RHPN2: variants seen among roughly 807,000 people sequenced by gnomAD.
RHPN2 encodes rhophilin Rho GTPase binding protein 2, also known as rhophilin-2.
RHPN2 carries 40 observed loss-of-function variants against 79.0 expected under a neutral mutation model. That is an observed-to-expected ratio of 0.51 (90% confidence interval 0.39 to 0.66). The LOEUF (loss-of-function observed/expected upper bound fraction) is 0.66, where lower values mean the gene tolerates loss of function less well. RHPN2 is among the 30% of genes least tolerant of loss of function. The pLI is 0.00. For missense variants in RHPN2, 686 were observed against 883.5 expected (o/e 0.78, Z 2.83); for synonymous variants, 285 against 363.5 (o/e 0.78, Z 2.46).
At chr19:32,995,438 C>G (rs935186127) in intron 11 of RHPN2, among the ~76,000 whole-genome samples, 1 of 152,040 alleles carries the variant, frequency 6.6e-6, no homozygotes, top group African/African-American at 2.4e-5. Context: ...AAATCATGAC[C>G]ACTGACAGCT....
At position 33,026,474 on chromosome 19, in the gene RHPN2, G is replaced by A. The variant is rs548780349; in HGVS notation, c.314+30C>T. Reference sequence around the variant, plus strand: ...TGTACGAAGGATCTCTGGCTCAGAGGCTTTTGGAAGGTGTGCTGCTCCCAC... The same window carrying A: ...TGTACGAAGGATCTCTGGCTCAGAGACTTTTGGAAGGTGTGCTGCTCCCAC... On this transcript the variant is annotated intron_variant, in intron 3 of 14. Transcript: ENST00000254260. 1.9e-6 allele frequency: 3 copies of A among 1,604,590 alleles called. No individual in the cohort carries two copies. The East Asian group carries it at 6.7e-5, about 36-fold the overall frequency.
At chr19:33,042,993 C>T (rs1005247539) in intron 2 of RHPN2, among the ~76,000 whole-genome samples, 6 of 151,778 alleles carry the variant, frequency 4.0e-5, no homozygotes, top group Admixed American at 3.3e-4. Flanking sequence ...GCAGGAGAAT[C>T]ACTTGAACCT....
At position 33,025,856 on chromosome 19, in the gene RHPN2, C is replaced by T. The variant is rs978707092; in HGVS notation, c.314+648G>A. Among the ~76,000 whole-genome samples the T allele has an allele frequency of 1.2e-4, 18 of 152,156 alleles. 1 individual carries two copies. The highest frequency in any genetic ancestry group is 8.5e-4 in the Admixed American group (13 of 15,252). On this transcript the variant is annotated intron_variant, in intron 3 of 14. Coordinates refer to ENST00000254260, the MANE Select transcript of RHPN2 (RefSeq NM_033103.5). Reference sequence around the variant, plus strand: ...TAATAACATATCTTGCTAATGTTTGCGTGTCTATGAAATGTGACTACGCGG... The same window carrying T: ...TAATAACATATCTTGCTAATGTTTGTGTGTCTATGAAATGTGACTACGCGG...
chr19:32,995,210 C>A (rs902363836), intron 11 of RHPN2, among the ~76,000 whole-genome samples: 1 of 151,968 alleles, frequency 6.6e-6, no homozygotes, highest in African/African-American at 2.4e-5. Flanking sequence ...GTAGCTGGAA[C>A]TATAGGTATG....
intron 4 of RHPN2, among the ~76,000 whole-genome samples, chr19:33,013,076 A>G (rs746917532): frequency 1.3e-4 from 19 of 151,586 alleles, no homozygotes; most frequent in Non-Finnish European, 2.6e-4. Context: ...GAGTTTCACC[A>G]TGTTGGTCAG....
intron 11 of RHPN2, 83 bp from the exon 12 acceptor site, chr19:32,994,136 C>T: frequency 2.0e-6 from 2 of 1,022,950 alleles, no homozygotes; most frequent in Non-Finnish European, 3.1e-6. Context: ...TGGCTCACGC[C>T]TGTAATCCCA....
chr19:33,051,113 T>G (rs1295534177), intron 1 of RHPN2, among the ~76,000 whole-genome samples: 2 of 152,144 alleles, frequency 1.3e-5, no homozygotes, highest in East Asian at 1.9e-4. Flanking sequence ...TGTCTCAGCC[T>G]CCTGAGTAGC....
At chr19:32,988,053 G>T (rs1971624693) in intron 14 of RHPN2, among the ~76,000 whole-genome samples, 1 of 151,916 alleles carries the variant, frequency 6.6e-6, no homozygotes. Flanking sequence ...AAACAAATTA[G>T]CCAGGCATAG....
chr19:33,064,888 T>G lies in RHPN2; in HGVS notation c.-36A>C. On this transcript the variant is annotated 5_prime_UTR_variant, in exon 1 of 15. Transcript: ENST00000254260. ...CGGGCGCGGAGGGCGGACGGCGGAC[T>G]GAGGCGCGGCGGCTGAGGCTGGCCC... 3 of 1,483,384 alleles carry G rather than the reference T, an allele frequency of 2.0e-6. No homozygotes were observed. Among genetic ancestry groups the G allele is most frequent in the East Asian group, 2.8e-5 (1 of 35,696 alleles). 91.9% of individuals were successfully genotyped at this position (1,483,384 alleles called of 1,614,324 possible).
At chr19:32,988,212 C>CAAA (rs758073522) in intron 14 of RHPN2, among the ~76,000 whole-genome samples, 159 of 138,714 alleles carry the variant, frequency 1.1e-3, no homozygotes, top group Non-Finnish European at 9.3e-4. Context: ...ACAACAACAA[C>CAAA]AAAAAAAAAA....
chr19:33,056,280 T>C (rs1199511168), intron 1 of RHPN2, among the ~76,000 whole-genome samples: 1 of 151,642 alleles, frequency 6.6e-6, no homozygotes, highest in Non-Finnish European at 1.5e-5. Flanking sequence ...ACCCAGCTAA[T>C]TTTGTATTTT....
intron 3 of RHPN2, 35 bp from the exon 4 acceptor site, chr19:33,021,681 C>T (rs1231754131): frequency 1.3e-6 from 2 of 1,541,468 alleles, no homozygotes; most frequent in Non-Finnish European, 1.8e-6. Context: ...TATGAACACC[C>T]CCAACCGGAC....
intron 2 of RHPN2, among the ~76,000 whole-genome samples, chr19:33,041,850 G>A (rs1265124892): frequency 2.6e-5 from 4 of 152,086 alleles, no homozygotes; most frequent in African/African-American, 7.2e-5. Context: ...GCAGAGCCTC[G>A]CCTGATCTTC....
chr19:33,029,528 A>AC (rs1477400894), intron 2 of RHPN2, among the ~76,000 whole-genome samples: 2 of 78,378 alleles, frequency 2.6e-5, no homozygotes, highest in Non-Finnish European at 4.8e-5. Flanking sequence ...TCTATCTCAG[A>AC]AAAAAAAAAA....
chr19:32,981,854 C>G (rs1470713361), intron 14 of RHPN2, among the ~76,000 whole-genome samples: 1 of 151,544 alleles, frequency 6.6e-6, no homozygotes, highest in Non-Finnish European at 1.5e-5. Flanking sequence ...AAAACTTTTT[C>G]ATCTTCCTCA....
intron 4 of RHPN2, among the ~76,000 whole-genome samples, chr19:33,016,387 T>C: frequency 6.6e-6 from 1 of 151,930 alleles, no homozygotes; most frequent in East Asian, 1.9e-4. Flanking sequence ...TTCTTTAAAA[T>C]AAAACAAAAT....
chr19:32,980,927 T>C (rs1202259142), intron 14 of RHPN2, among the ~76,000 whole-genome samples: 1 of 151,796 alleles, frequency 6.6e-6, no homozygotes, highest in East Asian at 1.9e-4. Flanking sequence ...AAGCTCCGCC[T>C]CCCGGGTTCA....
In RHPN2 at chr19:33,004,237, C is replaced by T. The variant is rs552368492; in HGVS notation, c.761-1237G>A. On this transcript the variant is annotated intron_variant, in intron 7 of 14. Transcript: ENST00000254260. ...AAAATTTTTTGTACAGATGGGGTGTCCCTATGTTGCTCAGACTGGTCTCCA... is the reference window on the plus strand; with the variant it reads ...AAAATTTTTTGTACAGATGGGGTGTTCCTATGTTGCTCAGACTGGTCTCCA... Among the ~76,000 whole-genome samples the T allele has an allele frequency of 1.8e-3, 281 of 152,102 alleles. 1 individual carries two copies. The highest frequency in any genetic ancestry group is 2.8e-3 in the Non-Finnish European group (192 of 68,010).
chr19:33,017,069 A>C (rs1971883858), intron 4 of RHPN2, among the ~76,000 whole-genome samples: 1 of 151,854 alleles, frequency 6.6e-6, no homozygotes, highest in Non-Finnish European at 1.5e-5. Context: ...TCTCCAAGAG[A>C]CTCTTCCTTT....
Sources: gnomAD v4.1 joint callset for allele counts (sites outside exome capture counted in the v4.1 genomes callset) on GRCh38, gnomAD v4.1.1 for gene constraint, MANE v1.5 for transcripts, NCBI Gene and HGNC (gene_info 2026-07-23, HGNC 2026-07-21) for gene names.